The following CCT6B variants were observed in gnomAD, a reference collection of about 807,000 sequenced individuals.
The protein encoded by CCT6B is chaperonin containing TCP1 subunit 6B.
CCT6B carries 49 observed loss-of-function variants against 61.5 expected under a neutral mutation model. The observed-to-expected ratio is 0.80, with a 90% CI of 0.63 to 1.01. CCT6B has a LOEUF of 1.01. Among genes scored for constraint, CCT6B ranks in the 50% least tolerant of loss-of-function variants. The pLI is 0.00. For missense variants in CCT6B, 666 were observed against 634.7 expected (o/e 1.05, Z -0.53); for synonymous variants, 228 against 214.5 (o/e 1.06, Z -0.55).
In CCT6B at chr17:34,943,102, G is replaced by A. The variant is rs1047340801; in HGVS notation, c.615-196C>T. The A allele has an allele frequency of 2.8e-5, 13 of 463,228 alleles. No individual in the cohort carries two copies. In the Admixed American group the frequency reaches 3.3e-4, roughly 12 times the overall value. 28.7% of individuals were successfully genotyped at this position (463,228 alleles called of 1,614,324 possible). On this transcript the variant is annotated intron_variant, in intron 5 of 13. Transcript: ENST00000314144. Reference sequence around the variant, plus strand: ...TTGCTATGATGTCCAGGCTGGCCACGAACTCCTGGGCTCAAGCAATCCTCC... The same window carrying A: ...TTGCTATGATGTCCAGGCTGGCCACAAACTCCTGGGCTCAAGCAATCCTCC...
At chr17:34,931,855 C>T (rs75481035) in intron 11 of CCT6B, among the ~76,000 whole-genome samples, 287 of 152,166 alleles carry the variant, frequency 1.9e-3, no homozygotes, top group African/African-American at 6.6e-3. Context: ...AAGGAATGGT[C>T]GCTTTCTGTC....
intron 13 of CCT6B, 64 bp downstream of exon 13, chr17:34,928,898 T>A (rs370942431): frequency 1.4e-4 from 136 of 950,738 alleles, no homozygotes; most frequent in African/African-American, 1.5e-4. Flanking sequence ...ATAGAAAAAA[T>A]TTCATCTTAA....
At chr17:34,938,834 G>T (rs1156338931) in intron 10 of CCT6B, among the ~76,000 whole-genome samples, 1 of 152,176 alleles carries the variant, frequency 6.6e-6, no homozygotes, top group Non-Finnish European at 1.5e-5. Context: ...TGTAATTTCA[G>T]CTCTTTGGGA....
intron 10 of CCT6B, among the ~76,000 whole-genome samples, chr17:34,937,751 TTAATAA>T (rs1271364980): frequency 6.6e-6 from 1 of 152,202 alleles, no homozygotes; most frequent in Non-Finnish European, 1.5e-5. Flanking sequence ...AAAGGCACTG[TTAATAA>T]TAAAATAAGC....
intron 1 of CCT6B, among the ~76,000 whole-genome samples, chr17:34,959,989 TTCAG>T (rs1221287736): frequency 1.3e-5 from 2 of 152,230 alleles, no homozygotes; most frequent in Admixed American, 6.5e-5. Flanking sequence ...TTTTCATTCA[TTCAG>T]TCACTCAACT....
At chr17:34,937,019 A>G (rs2090102171) in intron 10 of CCT6B, among the ~76,000 whole-genome samples, 1 of 152,166 alleles carries the variant, frequency 6.6e-6, no homozygotes, top group South Asian at 2.1e-4. Context: ...TTAACCAGGC[A>G]TGGTAGTGCA....
Position 34,932,354 on chromosome 17 carries a change from A to C in CCT6B, c.1347+13T>G, listed in dbSNP as rs758397842. 21 of 1,590,648 alleles carry C rather than the reference A, an allele frequency of 1.3e-5. No individual in the cohort carries two copies. In the East Asian group the frequency reaches 4.7e-4, roughly 36 times the overall value. ...TCTAAGCAGTTGTTATTTGGCCGAA[A>C]GGGTAGTTGTACCTTGGGAATAATG... On this transcript the variant is annotated intron_variant, in intron 11 of 13. Coordinates refer to ENST00000314144, the MANE Select transcript of CCT6B (RefSeq NM_006584.4).
At chr17:34,928,246 C>T (rs1305035551) in intron 13 of CCT6B, 129 bp from the exon 14 acceptor site, 1 of 515,960 alleles carries the variant, frequency 1.9e-6, no homozygotes, top group Non-Finnish European at 3.5e-6. Flanking sequence ...TGAGACAAGG[C>T]TATTATAAAT....
chr17:34,957,233 C>T (rs2090358571), intron 3 of CCT6B, among the ~76,000 whole-genome samples: 1 of 150,180 alleles, frequency 6.7e-6, no homozygotes, highest in African/African-American at 2.5e-5. Flanking sequence ...CAATCTCCAC[C>T]TCCTGGGTTC....
intron 3 of CCT6B, 67 bp downstream of exon 3, chr17:34,958,493 A>G: frequency 1.0e-6 from 1 of 956,978 alleles, no homozygotes; most frequent in Non-Finnish European, 1.5e-6. Context: ...CTAAAACTCA[A>G]CCATTTTACT....
chr17:34,960,616 T>C (rs2090402265), intron 1 of CCT6B, among the ~76,000 whole-genome samples: 1 of 152,236 alleles, frequency 6.6e-6, no homozygotes, highest in Non-Finnish European at 1.5e-5. Context: ...GTTATCTTGA[T>C]CATTTCTGTG....
At chr17:34,937,870 T>C (rs974717894) in intron 10 of CCT6B, among the ~76,000 whole-genome samples, 8 of 149,818 alleles carry the variant, frequency 5.3e-5, no homozygotes, top group African/African-American at 1.9e-4. Context: ...TAACACAAAT[T>C]TTTTTCTTTT....
At chr17:34,933,348 T>C (rs919343113) in intron 10 of CCT6B, among the ~76,000 whole-genome samples, 1 of 152,216 alleles carries the variant, frequency 6.6e-6, no homozygotes, top group Non-Finnish European at 1.5e-5. Flanking sequence ...CTGCTACTTG[T>C]ATGGTTTCAT....
chr17:34,947,810 C>T (rs999664907), intron 5 of CCT6B, among the ~76,000 whole-genome samples: 9 of 151,816 alleles, frequency 5.9e-5, no homozygotes, highest in African/African-American at 9.7e-5. Context: ...GGTGAAACCA[C>T]GTCTCTACTA....
intron 13 of CCT6B, 144 bp downstream of exon 13, chr17:34,928,818 T>C (rs1284600651): frequency 1.2e-5 from 6 of 519,070 alleles, no homozygotes; most frequent in Admixed American, 3.5e-5. Flanking sequence ...TGACAGAAGC[T>C]AGTTCTAATA....
rs539845026 is a variant in CCT6B at position 34,932,931 on chromosome 17, A to G, written c.1214-431T>C. 3.3e-5 allele frequency among the ~76,000 whole-genome samples: 5 copies of G among 152,116 alleles called. No homozygotes were observed. In the East Asian group the frequency reaches 9.7e-4, roughly 29 times the overall value. ...TAAGTAGCTGGAATTACAGGCGTGC[A>G]CCACCACACCCAGCTAATTTTTGTA... On this transcript the variant is annotated intron_variant, in intron 10 of 13. Coordinates refer to ENST00000314144, the MANE Select transcript of CCT6B (RefSeq NM_006584.4).
chr17:34,954,295 C>A (rs1389222203), intron 4 of CCT6B, 131 bp downstream of exon 4: 32 of 653,136 alleles, frequency 4.9e-5, no homozygotes, highest in Middle Eastern at 4.2e-4. Flanking sequence ...TAGGCCTATA[C>A]AATAATTGTC....
At chr17:34,934,779 T>C (rs1301074242) in intron 10 of CCT6B, among the ~76,000 whole-genome samples, 11 of 152,180 alleles carry the variant, frequency 7.2e-5, no homozygotes. Flanking sequence ...CTTTACACTT[T>C]CAGAAATTTG....
In CCT6B at chr17:34,942,796, G is replaced by GT; in HGVS notation, c.724dup (p.Thr242AsnfsTer10). On this transcript the variant is annotated frameshift_variant and splice_region_variant, in exon 6 of 14. Coordinates refer to ENST00000314144, the MANE Select transcript of CCT6B (RefSeq NM_006584.4). LOFTEE classifies it high-confidence loss of function. The stretch of plus-strand genomic sequence containing the variant: ...GTTATAAAGAGAAAGTAACACGCAC[G>GT]TTTTTTCATATTCCAGTGAAACGTT... 1.9e-6 allele frequency: 3 copies of GT among 1,583,550 alleles called. No homozygotes were observed. Among genetic ancestry groups the GT allele is most frequent in the Admixed American group, 1.8e-5 (1 of 55,916 alleles).
Sources: gnomAD v4.1 joint callset for allele counts (sites outside exome capture counted in the v4.1 genomes callset) on GRCh38, gnomAD v4.1.1 for gene constraint, MANE v1.5 for transcripts, NCBI Gene and HGNC (gene_info 2026-07-23, HGNC 2026-07-21) for gene names.